The following ACYP2 variants were observed in gnomAD, a reference collection of about 807,000 sequenced individuals.
ACYP2 encodes acylphosphatase-2.
Under a neutral mutation model 11.2 loss-of-function variants are expected in ACYP2, and 12 were observed. That is an observed-to-expected ratio of 1.08 (90% CI 0.69 to 1.74). ACYP2 has a LOEUF of 1.74. ACYP2 is among the 40% of genes most tolerant of loss of function. ACYP2 has a pLI of 0.00. For missense variants in ACYP2, 134 were observed against 101.9 expected (o/e 1.31, Z -1.35); for synonymous variants, 43 against 32.2 (o/e 1.33, Z -1.13).
At chr2:54,065,502 C>A (rs1294176389) in intron 4 of ACYP2, 1 of 398,594 alleles carries the variant, frequency 2.5e-6, no homozygotes, top group African/African-American at 2.1e-5. Flanking sequence ...GCTTGGCTAT[C>A]CCTGATCAGG....
intron 5 of ACYP2, among the ~76,000 whole-genome samples, chr2:54,136,729 ACTTTGGGAGGCTGAGGCAGGTGGAT>A (rs1337089842): frequency 1.3e-5 from 2 of 152,166 alleles, no homozygotes; most frequent in Admixed American, 6.5e-5. Context: ...TAATCCCAGC[ACTTTGGGAGGCTGAGGCAGGTGGAT>A]CACCTGAGGT....
chr2:53,972,134 C>A (rs1003100351), intron 1 of ACYP2, among the ~76,000 whole-genome samples: 2 of 150,990 alleles, frequency 1.3e-5, no homozygotes, highest in African/African-American at 4.9e-5. Context: ...ATGGTGAAAC[C>A]CCGTCTCTAC....
intron 2 of ACYP2, among the ~76,000 whole-genome samples, chr2:54,035,024 A>ATAAAAAAAAAAAAAAAAT (rs1558484913): frequency 7.2e-6 from 1 of 138,344 alleles, no homozygotes; most frequent in African/African-American, 2.8e-5. Context: ...AAAAAAAAAA[A>ATAAAAAAAAAAAAAAAAT]AAAAAAAAGC....
intron 6 of ACYP2, among the ~76,000 whole-genome samples, chr2:54,205,591 T>G (rs1353842193): frequency 6.6e-6 from 1 of 152,222 alleles, no homozygotes; most frequent in African/African-American, 2.4e-5. Context: ...TTTCAGCTCT[T>G]CCACAAAGGG....
At chr2:54,120,287 G>T (rs1480396817) in intron 4 of ACYP2, among the ~76,000 whole-genome samples, 1 of 152,138 alleles carries the variant, frequency 6.6e-6, no homozygotes, top group African/African-American at 2.4e-5. Flanking sequence ...AGAGAGCTGG[G>T]GACTGAGCCC....
intron 6 of ACYP2, among the ~76,000 whole-genome samples, chr2:54,159,954 G>C (rs549285219): frequency 6.6e-6 from 1 of 152,116 alleles, no homozygotes; most frequent in Non-Finnish European, 1.5e-5. Context: ...TTCCCCACTT[G>C]CTGTGTTGTA....
intron 3 of ACYP2, among the ~76,000 whole-genome samples, chr2:54,052,803 T>C (rs1381406459): frequency 6.6e-6 from 1 of 152,126 alleles, no homozygotes; most frequent in African/African-American, 2.4e-5. Context: ...GGGAAGTTGA[T>C]GGAAGTAGGT....
chr2:54,051,587 C>G (rs1675869850), intron 3 of ACYP2: 2 of 742,518 alleles, frequency 2.7e-6, no homozygotes, highest in East Asian at 2.5e-5. Flanking sequence ...TGTGAAGAAA[C>G]TAGGAGAGAT....
At chr2:54,219,881 G>GTATATATATATA in intron 6 of ACYP2, among the ~76,000 whole-genome samples, 1 of 99,480 alleles carries the variant, frequency 1.0e-5, no homozygotes, top group South Asian at 4.8e-4. Flanking sequence ...GTGTGTGTGT[G>GTATATATATATA]TATATATATA....
intron 6 of ACYP2, among the ~76,000 whole-genome samples, chr2:54,173,103 G>A (rs1683285995): frequency 6.6e-6 from 1 of 152,078 alleles, no homozygotes; most frequent in East Asian, 1.9e-4. Flanking sequence ...CTACTTCCAG[G>A]TCCTTGAGGA....
At chr2:54,168,600 A>T (rs1166382859) in intron 6 of ACYP2, among the ~76,000 whole-genome samples, 4 of 143,738 alleles carry the variant, frequency 2.8e-5, no homozygotes, top group Non-Finnish European at 6.3e-5. Flanking sequence ...CATTACGGGG[A>T]TAATATTTAG....
intron 6 of ACYP2, among the ~76,000 whole-genome samples, chr2:54,251,461 A>C (rs1236780832): frequency 6.6e-6 from 1 of 152,204 alleles, no homozygotes; most frequent in African/African-American, 2.4e-5. Context: ...TAAATGTACA[A>C]CTCAGTGAAG....
At chr2:54,051,861 A>G (rs1675883207) in intron 3 of ACYP2, 2 of 290,236 alleles carry the variant, frequency 6.9e-6, no homozygotes, top group Non-Finnish European at 6.5e-6. Context: ...CCTGGCCAAC[A>G]TGGCAAAACC....
chr2:54,267,393 A>T, intron 6 of ACYP2: 1 of 1,535,506 alleles, frequency 6.5e-7, no homozygotes, highest in Non-Finnish European at 8.8e-7. Context: ...TCAAATGAGA[A>T]GGGCTTATAC....
At chr2:54,233,036 CAATT>C (rs1446443235) in intron 6 of ACYP2, among the ~76,000 whole-genome samples, 1 of 151,818 alleles carries the variant, frequency 6.6e-6, no homozygotes, top group African/African-American at 2.4e-5. Flanking sequence ...GTCATCTTCA[CAATT>C]AAGTTTTTTT....
intron 2 of ACYP2, among the ~76,000 whole-genome samples, chr2:54,004,908 A>AG (rs1486931042): frequency 7.3e-6 from 1 of 136,686 alleles, no homozygotes; most frequent in East Asian, 2.1e-4. Flanking sequence ...AAAAAAAAAA[A>AG]AAAAAAACAA....
At chr2:54,242,493 C>A (rs1170660103) in intron 6 of ACYP2, among the ~76,000 whole-genome samples, 1 of 152,072 alleles carries the variant, frequency 6.6e-6, no homozygotes, top group East Asian at 1.9e-4. Flanking sequence ...AGTCATATGC[C>A]ACATAATGAC....
chr2:54,138,713 C>G lies in ACYP2; in HGVS notation c.369C>G (p.Gly123=), dbSNP rs1047775891. Residue 123 remains glycine (G), a synonymous_variant, in exon 6 of 7, where the codon GGC becomes GGG. Coordinates refer to ENST00000607452, the MANE Select transcript of ACYP2 (RefSeq NM_001320586.2). The stretch of plus-strand genomic sequence containing the variant: ...ATACCAGCAAAGGCACCGTGACAGG[C>G]CAAGTGCAGGGGCCAGAAGACAAAG... 6 of 1,613,874 alleles carry G rather than the reference C, an allele frequency of 3.7e-6. No homozygotes were observed. The African/African-American group carries it at 8.0e-5, about 22-fold the overall frequency.
At chr2:54,240,514 G>T (rs1348573222) in intron 6 of ACYP2, among the ~76,000 whole-genome samples, 3 of 152,124 alleles carry the variant, frequency 2.0e-5, no homozygotes. Context: ...TCTCTAACCG[G>T]AGCTCCTGTA....
Sources: gnomAD v4.1 joint callset for allele counts (sites outside exome capture counted in the v4.1 genomes callset) on GRCh38, gnomAD v4.1.1 for gene constraint, MANE v1.5 for transcripts, NCBI Gene and HGNC (gene_info 2026-07-23, HGNC 2026-07-21) for gene names.